HPSE2: variants seen among roughly 807,000 people sequenced by gnomAD.
HPSE2 encodes heparanase 2 (inactive).
In HPSE2, 38 loss-of-function variants were observed where a neutral mutation model predicts 60.5. That is an observed-to-expected ratio of 0.63 (90% CI 0.48 to 0.82). HPSE2 has a LOEUF of 0.82. HPSE2 is among the 40% of genes least tolerant of loss of function. The probability of loss-of-function intolerance (pLI) is 0.00; values close to 1 mark genes in which losing one functional copy is unlikely to be tolerated. For synonymous variants in HPSE2, 295 were observed against 293.2 expected (o/e 1.01, Z -0.06); for missense variants, 713 against 740.4 (o/e 0.96, Z 0.43).
the HPSE2 span, among the ~76,000 whole-genome samples, chr10:99,275,913 G>A: frequency 3.3e-5 from 5 of 152,170 alleles, no homozygotes; most frequent in Admixed American, 6.5e-5. Flanking sequence ...GGGTGTGGGT[G>A]TGTGTATGTG....
At chr10:98,713,459 C>T (rs1177248917) in intron 5 of HPSE2, among the ~76,000 whole-genome samples, 2 of 151,656 alleles carry the variant, frequency 1.3e-5, no homozygotes, top group Non-Finnish European at 2.9e-5. Flanking sequence ...TTTAACGTTT[C>T]CTTTACTGCC....
chr10:98,473,895 C>T (rs895177218), intron 11 of HPSE2, among the ~76,000 whole-genome samples: 5 of 152,052 alleles, frequency 3.3e-5, no homozygotes, highest in Non-Finnish European at 5.9e-5. Flanking sequence ...AGCTTTTTGT[C>T]GGGGATGTTA....
intron 7 of HPSE2, among the ~76,000 whole-genome samples, chr10:98,623,490 C>T (rs898538922): frequency 6.6e-6 from 1 of 152,042 alleles, no homozygotes; most frequent in African/African-American, 2.4e-5. Flanking sequence ...GAATTTTATG[C>T]TATGTGAATT....
the HPSE2 span, among the ~76,000 whole-genome samples, chr10:99,291,355 GC>G: frequency 6.6e-6 from 1 of 152,184 alleles, no homozygotes; most frequent in Non-Finnish European, 1.5e-5. Flanking sequence ...GGAGGCCAAG[GC>G]GGGCAGATCA....
intron 3 of HPSE2, among the ~76,000 whole-genome samples, chr10:99,064,304 A>G (rs2135530866): frequency 6.6e-6 from 1 of 152,320 alleles, no homozygotes; most frequent in Admixed American, 6.5e-5. Flanking sequence ...TAATCATCAA[A>G]TAAAGAAAGC....
chr10:98,751,584 A>C (rs1436632302), intron 3 of HPSE2, among the ~76,000 whole-genome samples: 1 of 152,176 alleles, frequency 6.6e-6, no homozygotes, highest in Non-Finnish European at 1.5e-5. Flanking sequence ...AGGGCTGGTG[A>C]CTCCAGAAGG....
intron 3 of HPSE2, among the ~76,000 whole-genome samples, chr10:98,789,480 T>C (rs929030860): frequency 6.6e-6 from 1 of 152,304 alleles, no homozygotes; most frequent in East Asian, 1.9e-4. Context: ...CAAATTGCAA[T>C]GCAGGCTGGA....
chr10:98,844,192 G>A (rs1367016674), intron 3 of HPSE2, among the ~76,000 whole-genome samples: 1 of 152,124 alleles, frequency 6.6e-6, no homozygotes, highest in East Asian at 1.9e-4. Context: ...TCCAGCTTTG[G>A]TATTTTCTGA....
intron 2 of HPSE2, among the ~76,000 whole-genome samples, chr10:99,197,171 C>T (rs756981293): frequency 8.6e-5 from 13 of 151,964 alleles, no homozygotes; most frequent in Non-Finnish European, 1.8e-4. Context: ...TCTAAAAAGT[C>T]AAAACAATTA....
chr10:98,514,346 G>A (rs1192996055), intron 9 of HPSE2, among the ~76,000 whole-genome samples: 1 of 152,126 alleles, frequency 6.6e-6, no homozygotes, highest in Non-Finnish European at 1.5e-5. Flanking sequence ...GAAATAGCTA[G>A]TAGAGATGGT....
chr10:98,766,825 T>C (rs908574227), intron 3 of HPSE2, among the ~76,000 whole-genome samples: 6 of 151,896 alleles, frequency 4.0e-5, no homozygotes, highest in Non-Finnish European at 8.8e-5. Context: ...CTCAGGAGAC[T>C]GAGATGGGAG....
chr10:98,479,146 T>A (rs1262468443), intron 11 of HPSE2, among the ~76,000 whole-genome samples: 1 of 152,156 alleles, frequency 6.6e-6, no homozygotes, highest in East Asian at 1.9e-4. Flanking sequence ...CCTCGAGCAA[T>A]CAAAGAAGTC....
intron 3 of HPSE2, among the ~76,000 whole-genome samples, chr10:99,134,765 C>T (rs1271676181): frequency 1.3e-5 from 2 of 152,144 alleles, no homozygotes; most frequent in East Asian, 1.9e-4. Flanking sequence ...ACGGCAAAAA[C>T]ATACCAAATT....
chr10:98,827,399 G>C (rs1408751201), intron 3 of HPSE2, among the ~76,000 whole-genome samples: 2 of 151,914 alleles, frequency 1.3e-5, no homozygotes, highest in Non-Finnish European at 2.9e-5. Flanking sequence ...GTAGAGACAG[G>C]GTTTCACCAT....
chr10:99,292,808 C>T, the HPSE2 span, among the ~76,000 whole-genome samples: 1 of 152,202 alleles, frequency 6.6e-6, no homozygotes, highest in African/African-American at 2.4e-5. Flanking sequence ...TTGCTCTAGC[C>T]ACATTTCCAG....
chr10:99,113,701 C>T (rs965276059), intron 3 of HPSE2, among the ~76,000 whole-genome samples: 7 of 152,082 alleles, frequency 4.6e-5, no homozygotes, highest in Non-Finnish European at 8.8e-5. Flanking sequence ...TGAAATATAA[C>T]AAATGTAAAT....
intron 3 of HPSE2, among the ~76,000 whole-genome samples, chr10:98,815,521 A>G (rs1330184583): frequency 2.0e-5 from 3 of 152,232 alleles, no homozygotes; most frequent in Admixed American, 6.5e-5. Context: ...ATACAAGTAC[A>G]GCACTTGTAG....
intron 9 of HPSE2, among the ~76,000 whole-genome samples, chr10:98,507,507 T>C (rs1942241521): frequency 6.6e-6 from 1 of 152,260 alleles, no homozygotes; most frequent in South Asian, 2.1e-4. Flanking sequence ...AATGGAGGGT[T>C]TTGGTTTTTA....
the HPSE2 span, among the ~76,000 whole-genome samples, chr10:99,242,919 A>T: frequency 6.6e-6 from 1 of 152,216 alleles, no homozygotes; most frequent in Non-Finnish European, 1.5e-5. Context: ...TGTGGAAATG[A>T]GTGTAATTTG....
Sources: gnomAD v4.1 joint callset for allele counts (sites outside exome capture counted in the v4.1 genomes callset) on GRCh38, gnomAD v4.1.1 for gene constraint, MANE v1.5 for transcripts, NCBI Gene and HGNC (gene_info 2026-07-23, HGNC 2026-07-21) for gene names.